Variants in ADARB2 observed in about 807,000 individuals in gnomAD.
The protein encoded by ADARB2 is adenosine deaminase RNA specific B2 (inactive), also known as inactive double-stranded RNA-specific editase B2.
A neutral mutation model predicts 62.2 loss-of-function variants in ADARB2; 25 were observed. The observed-to-expected ratio is 0.40, with a 90% CI of 0.29 to 0.56. The LOEUF (loss-of-function observed/expected upper bound fraction) is 0.56. ADARB2 is among the 20% of genes least tolerant of loss of function. ADARB2 has a pLI of 0.43. For missense variants in ADARB2, 1,071 were observed against 1,077.4 expected (o/e 0.99, Z 0.08); for synonymous variants, 572 against 500.8 (o/e 1.14, Z -1.90).
intron 3 of ADARB2, among the ~76,000 whole-genome samples, chr10:1,341,650 C>T (rs966140412): frequency 6.7e-5 from 10 of 150,310 alleles, no homozygotes; most frequent in African/African-American, 1.7e-4. Context: ...TGCCCTGCAA[C>T]GGCGATAATC....
intron 3 of ADARB2, among the ~76,000 whole-genome samples, chr10:1,284,483 C>G (rs575547911): frequency 2.6e-5 from 4 of 152,296 alleles, no homozygotes; most frequent in Admixed American, 2.6e-4. Context: ...ATGGCTGCCT[C>G]CACCCACAGC....
rs577782169 is a variant in ADARB2 at position 1,344,646 on chromosome 10, G to A, written c.1077+18382C>T. Among the ~76,000 whole-genome samples, 7 of 152,332 alleles carry A rather than the reference G, an allele frequency of 4.6e-5. No individual in the cohort carries two copies. The East Asian group carries it at 1.4e-3, about 29-fold the overall frequency. Reference sequence around the variant, plus strand: ...ACGGACCCCATGCCTTTCACAGACTGTTTCCCAGGAGGCAAAATGTCAGCA... The same window carrying A: ...ACGGACCCCATGCCTTTCACAGACTATTTCCCAGGAGGCAAAATGTCAGCA... On this transcript the variant is annotated intron_variant, in intron 3 of 9. Coordinates refer to ENST00000381312, the MANE Select transcript of ADARB2 (RefSeq NM_018702.4).
At chr10:1,717,156 C>CTTTTTTTTTT (rs397969884) in intron 1 of ADARB2, among the ~76,000 whole-genome samples, 1 of 63,272 alleles carries the variant, frequency 1.6e-5, no homozygotes, top group African/African-American at 6.3e-5. Flanking sequence ...TTGTAGTGTG[C>CTTTTTTTTTT]TTTTTTTTTT....
chr10:1,345,318 C>T (rs571256027), intron 3 of ADARB2, among the ~76,000 whole-genome samples: 76 of 152,312 alleles, frequency 5.0e-4, no homozygotes, highest in African/African-American at 1.5e-3. Context: ...CCTTTGGAAA[C>T]CCTGGCTGCT....
At chr10:1,241,217 C>G (rs897650746) in intron 5 of ADARB2, among the ~76,000 whole-genome samples, 1 of 152,036 alleles carries the variant, frequency 6.6e-6, no homozygotes, top group East Asian at 1.9e-4. Flanking sequence ...CAAGATAATG[C>G]CATTGCACTC....
chr10:1,646,338 G>A (rs1834041922), intron 1 of ADARB2, among the ~76,000 whole-genome samples: 2 of 152,234 alleles, frequency 1.3e-5, no homozygotes, highest in Non-Finnish European at 1.5e-5. Context: ...CAGACCATGT[G>A]CATCTTGAGG....
intron 1 of ADARB2, among the ~76,000 whole-genome samples, chr10:1,595,641 G>A (rs1833323109): frequency 6.6e-6 from 1 of 152,180 alleles, no homozygotes; most frequent in African/African-American, 2.4e-5. Flanking sequence ...GCCCCATGCA[G>A]GCACTGCTTG....
At chr10:1,364,006 A>G in intron 2 of ADARB2, 89 bp from the exon 3 acceptor site, 1 of 1,384,094 alleles carries the variant, frequency 7.2e-7, no homozygotes, top group East Asian at 2.9e-5. Flanking sequence ...TCCCCGTCCC[A>G]GCGACCTCGC....
At chr10:1,474,474 G>A (rs1426957176) in intron 1 of ADARB2, among the ~76,000 whole-genome samples, 1 of 152,234 alleles carries the variant, frequency 6.6e-6, no homozygotes, top group East Asian at 1.9e-4. Context: ...GGGCTAGGAG[G>A]AGGGGGATGC....
At position 1,363,481 on chromosome 10, in the gene ADARB2, G is replaced by A. The variant is rs1588232890; in HGVS notation, c.624C>T (p.Pro208=). 7 of 1,494,688 alleles carry A rather than the reference G, an allele frequency of 4.7e-6. No individual in the cohort carries two copies. The highest frequency in any genetic ancestry group is 4.4e-5 in the African/African-American group (3 of 68,284). 92.6% of individuals were successfully genotyped at this position (1,494,688 alleles called of 1,614,324 possible). A position where few individuals can be genotyped will look rare whatever the true frequency, so the allele number is the denominator to read the frequency against. The part of the protein sequence containing the change: ...AHLAMGGGPG[P]GTDFTSDQAD... Reference sequence around the variant, plus strand: ...CCTGGTCGGAGGTGAAGTCCGTGCCGGGGCCCGGGCCCCCGCCCATGGCCA... The same window carrying A: ...CCTGGTCGGAGGTGAAGTCCGTGCCAGGGCCCGGGCCCCCGCCCATGGCCA... Residue 208 remains proline (P), a synonymous_variant, in exon 3 of 10, where the codon CCC becomes CCT. Coordinates refer to ENST00000381312, the MANE Select transcript of ADARB2 (RefSeq NM_018702.4).
intron 3 of ADARB2, among the ~76,000 whole-genome samples, chr10:1,354,272 G>A (rs1242830524): frequency 6.6e-6 from 1 of 152,098 alleles, no homozygotes; most frequent in East Asian, 1.9e-4. Flanking sequence ...TGACCTGCAG[G>A]TACACATCCA....
rs370735313 is a variant in ADARB2 at position 1,578,954 on chromosome 10, C to A, written c.100+158097G>T. 4.6e-5 allele frequency among the ~76,000 whole-genome samples: 7 copies of A among 152,286 alleles called. No individual in the cohort carries two copies. The East Asian group carries it at 7.7e-4, about 17-fold the overall frequency. On this transcript the variant is annotated intron_variant, in intron 1 of 9. Transcript: ENST00000381312. ...TGGGGTGGGACACAGAGGAAGGATG[C>A]CGCAGCCAGGGGCAGAGGTGGGCAG...
chr10:1,560,057 G>C (rs1371772652), intron 1 of ADARB2, among the ~76,000 whole-genome samples: 1 of 152,176 alleles, frequency 6.6e-6, no homozygotes, highest in African/African-American at 2.4e-5. Flanking sequence ...TAAGATGTGA[G>C]ATTTTCGTCT....
At chr10:1,282,544 G>T (rs1831379727) in intron 3 of ADARB2, among the ~76,000 whole-genome samples, 1 of 152,194 alleles carries the variant, frequency 6.6e-6, no homozygotes, top group African/African-American at 2.4e-5. Flanking sequence ...TTCAGATAGG[G>T]AGACATACTT....
In ADARB2 at chr10:1,396,474, C is replaced by T. The variant is rs1382042634; in HGVS notation, c.101-17314G>A. ...AAAAGTTGCCAGGCACGTGCTGTGT[C>T]CCAGGATCGAAGAATCCGGCCCTGA... On this transcript the variant is annotated intron_variant, in intron 1 of 9. Transcript: ENST00000381312. Among the ~76,000 whole-genome samples the T allele has an allele frequency of 2.0e-5, 3 of 152,146 alleles. No individual in the cohort carries two copies. In the South Asian group the frequency reaches 6.2e-4, roughly 32 times the overall value.
intron 1 of ADARB2, among the ~76,000 whole-genome samples, chr10:1,483,269 G>A (rs1022327214): frequency 2.6e-5 from 4 of 152,168 alleles, no homozygotes; most frequent in African/African-American, 4.8e-5. Flanking sequence ...ATTTCAACAC[G>A]TTTCTGTTTC....
chr10:1,248,404 C>T (rs887945509), intron 4 of ADARB2, among the ~76,000 whole-genome samples: 5 of 131,202 alleles, frequency 3.8e-5, no homozygotes, highest in South Asian at 2.6e-4. Flanking sequence ...AGGAAGTCCT[C>T]CTGAGGTCCC....
At chr10:1,530,047 A>G (rs1832208273) in intron 1 of ADARB2, among the ~76,000 whole-genome samples, 2 of 146,426 alleles carry the variant, frequency 1.4e-5, no homozygotes, top group South Asian at 4.4e-4. Context: ...TCATGCCACC[A>G]TGGGCGCCTA....
intron 1 of ADARB2, among the ~76,000 whole-genome samples, chr10:1,648,039 G>A (rs1564357601): frequency 1.3e-5 from 2 of 152,166 alleles, no homozygotes; most frequent in Non-Finnish European, 1.5e-5. Flanking sequence ...ATAATTTAGG[G>A]AAATCCAAGA....
Sources: gnomAD v4.1 joint callset for allele counts (sites outside exome capture counted in the v4.1 genomes callset) on GRCh38, gnomAD v4.1.1 for gene constraint, MANE v1.5 for transcripts, NCBI Gene and HGNC (gene_info 2026-07-23, HGNC 2026-07-21) for gene names.